The following ARFGEF3 variants were observed in gnomAD, a reference collection of about 807,000 sequenced individuals.
The protein encoded by ARFGEF3 is ARFGEF family member 3.
ARFGEF3 carries 96 observed loss-of-function variants against 221.7 expected under a neutral mutation model. That is an observed-to-expected ratio of 0.43 (90% CI 0.37 to 0.51). The LOEUF (loss-of-function observed/expected upper bound fraction) is 0.51. Among genes scored for constraint, ARFGEF3 ranks in the 20% least tolerant of loss-of-function variants. The pLI, the probability that ARFGEF3 is intolerant of heterozygous loss-of-function variation, is 0.00. For synonymous variants in ARFGEF3, 1,145 were observed against 1,126.8 expected, an observed-to-expected ratio of 1.02 and a Z score of -0.32; for missense variants, 2,410 against 2,789.9, an observed-to-expected ratio of 0.86 and a Z score of 3.07.
In ARFGEF3 at chr6:138,255,666, G is replaced by C. The variant is rs1778662993; in HGVS notation, c.1001G>C (p.Gly334Ala). Residue 334 changes from glycine (G) to alanine (A), a missense_variant, in exon 10 of 34, where the codon GGG becomes GCG. Physicochemically the swap from Gly to Ala is moderately conservative, Grantham distance 60 (BLOSUM62 0). Transcript: ENST00000251691. The part of the protein sequence containing the change: ...YIAAELVRLV[G>A]SVDSMKPVLQ... ...GCAGCCGAGCTGGTCCGGCTGGTGG[G>C]GTCTGTGGACTCCATGAAGCCCGTG... 6.2e-7 allele frequency: 1 copy of C among 1,613,594 alleles called. No individual in the cohort carries two copies. The highest frequency in any genetic ancestry group is 2.2e-5 in the East Asian group (1 of 44,862).
chr6:138,339,501 G>A lies in ARFGEF3; in HGVS notation c.*3015G>A, dbSNP rs1780389210. On this transcript the variant is annotated 3_prime_UTR_variant, in exon 34 of 34. Coordinates refer to ENST00000251691, the MANE Select transcript of ARFGEF3 (RefSeq NM_020340.5). ...AATGAGAGTTTATACATTGTTTTTA[G>A]TTGCCTGTATTTATAGCCAAAAGTA... is the stretch of plus-strand genomic sequence containing the variant. 6.6e-6 allele frequency: 1 copy of A among 152,150 alleles called. No individual in the cohort carries two copies. The highest frequency in any genetic ancestry group is 6.6e-5 in the Admixed American group (1 of 15,264). 9.4% of individuals were successfully genotyped at this position (152,150 alleles called of 1,614,324 possible). A position where few individuals can be genotyped will look rare whatever the true frequency, so the allele number is the denominator to read the frequency against.
rs11427921 is a variant in ARFGEF3, at chr6:138,274,795, C to CAA, written c.2129-3640_2129-3639dup. ...GGGCAACAAAAGCGAAACTCCGTCT[C>CAA]AAAAAAAAAAAAAAAAATGCACCTC... On this transcript the variant is annotated intron_variant, in intron 12 of 33. Transcript: ENST00000251691. 6.2e-3 allele frequency among the ~76,000 whole-genome samples: 696 copies of CAA among 111,450 alleles called. 5 individuals carry two copies. Among genetic ancestry groups the CAA allele is most frequent in the Middle Eastern group, 0.026 (4 of 154 alleles). The allele number at this position is 111,450 out of a possible 152,430, so 73.1% of individuals were successfully genotyped here.
At chr6:138,205,393 G>C (rs1325571705) in intron 2 of ARFGEF3, among the ~76,000 whole-genome samples, 1 of 152,106 alleles carries the variant, frequency 6.6e-6, no homozygotes, top group Admixed American at 6.5e-5. Context: ...ATTAATCCTG[G>C]TGGAAATTTG....
chr6:138,289,722 T>C (rs1779364292), intron 17 of ARFGEF3, 96 bp from the exon 18 acceptor site: 3 of 1,337,270 alleles, frequency 2.2e-6, no homozygotes, highest in African/African-American at 2.9e-5. Flanking sequence ...GTCTGTCCTT[T>C]CCCTTTTGCC....
In ARFGEF3 at chr6:138,218,442, A is replaced by AT. The variant is rs1485798563; in HGVS notation, c.351+8405dup. 4 of 1,475,544 alleles carry AT rather than the reference A, an allele frequency of 2.7e-6. No homozygotes were observed. The African/African-American group carries it at 5.7e-5, about 21-fold the overall frequency. The allele number at this position is 1,475,544 out of a possible 1,614,324, so 91.4% of individuals were successfully genotyped here. On this transcript the variant is annotated intron_variant, in intron 4 of 33. Transcript: ENST00000251691. The stretch of plus-strand genomic sequence containing the variant: ...TGTAGCTCTGTAGCATAGAAGAATA[A>AT]TTTTGTAAATTATTATACATCAATT...
chr6:138,162,093 G>A lies in ARFGEF3; in HGVS notation c.7G>A (p.Glu3Lys), dbSNP rs1279349541. 1.9e-6 allele frequency: 3 copies of A among 1,597,572 alleles called. No individual in the cohort carries two copies. In the South Asian group the frequency reaches 3.3e-5, roughly 18 times the overall value. Residue 3 changes from glutamate (E) to lysine (K), a missense_variant, in exon 1 of 34, where the codon GAA (glutamate) becomes AAA (lysine). By Grantham distance (56) the Glu-to-Lys change is moderately conservative. Transcript: ENST00000251691. The surrounding 1 kb of genome is among the most constrained non-coding windows in gnomAD (Gnocchi z 4.7). ...CGGCGCCTGGAAGGTCAAGATGGAA[G>A]AAATCCTGAGGAAGCTGCAGAAGGA... MEEILRKLQKEAS... is the reference protein window; with the variant it reads MEKILRKLQKEAS...
intron 5 of ARFGEF3, among the ~76,000 whole-genome samples, chr6:138,235,020 A>G (rs1447777551): frequency 6.6e-6 from 1 of 152,208 alleles, no homozygotes; most frequent in African/African-American, 2.4e-5. Context: ...ATTGAAAAAT[A>G]TATGTATATA....
Position 138,334,125 on chromosome 6 carries a change from G to C in ARFGEF3, c.5279G>C (p.Arg1760Thr), listed in dbSNP as rs143963437. The C allele has an allele frequency of 4.3e-4, 697 of 1,613,820 alleles. 6 individuals are homozygous for C. Among genetic ancestry groups the C allele is most frequent in the Non-Finnish European group, 7.7e-5 (91 of 1,179,890 alleles). ...VPEAKLAGFL[R>T]YISMQNLAVI... Reference sequence around the variant, plus strand: ...GAAGCCAAGCTGGCTGGCTTCCTCAGATACATCTCTATGCAGAACTTGGCA... The same window carrying C: ...GAAGCCAAGCTGGCTGGCTTCCTCACATACATCTCTATGCAGAACTTGGCA... The change falls in exon 33 of 34, where the codon AGA becomes ACA. Residue 1760 changes from arginine (R) to threonine (T), a missense_variant. By Grantham distance (71) the Arg-to-Thr change is moderately conservative. Around this residue, in one of 5 missense-constraint regions of ARFGEF3, gnomAD observed 723 missense variants for 991.9 expected, o/e 0.73. Coordinates refer to ENST00000251691, the MANE Select transcript of ARFGEF3 (RefSeq NM_020340.5). The surrounding 1 kb of genome is among the most constrained non-coding windows in gnomAD (Gnocchi z 5.1).
rs1779396484 is a variant in ARFGEF3, at chr6:138,291,140, A to C, written c.3048-593A>C. Among the ~76,000 whole-genome samples the C allele has an allele frequency of 2.0e-5, 3 of 152,046 alleles. No homozygotes were observed. The South Asian group carries it at 6.2e-4, about 32-fold the overall frequency. ...CCATTTAGGAGTTGGCAGTTGTAGCACATGTGGTGACCCTTCTCTGTGTCT... is the reference window on the plus strand; with the variant it reads ...CCATTTAGGAGTTGGCAGTTGTAGCCCATGTGGTGACCCTTCTCTGTGTCT... On this transcript the variant is annotated intron_variant, in intron 18 of 33. Transcript: ENST00000251691. This position sits in a 1 kb window ranked among gnomAD's most constrained non-coding sequence, Gnocchi z 4.5.
chr6:138,184,943 G>A (rs1375651380), intron 2 of ARFGEF3, among the ~76,000 whole-genome samples: 2 of 152,168 alleles, frequency 1.3e-5, no homozygotes, highest in Non-Finnish European at 2.9e-5. Context: ...TCTTAGTTTA[G>A]GGGGTAATTA....
chr6:138,298,495 CAG>C lies in ARFGEF3; in HGVS notation c.3649-109_3649-108del, dbSNP rs1779563252. 9.0e-6 allele frequency: 7 copies of C among 776,258 alleles called. No individual in the cohort carries two copies. The South Asian group carries it at 1.2e-4, about 14-fold the overall frequency. The allele number at this position is 776,258 out of a possible 1,614,324, so 48.1% of individuals were successfully genotyped here. A position where few individuals can be genotyped will look rare whatever the true frequency, so the allele number is the denominator to read the frequency against. On this transcript the variant is annotated intron_variant, in intron 21 of 33. Transcript: ENST00000251691. ...ATCCCTTAGAATGTTTTGATTTTAA[CAG>C]AATTGCTGCTTCCACCTCCTTGTAA...
rs558231613 is a variant in ARFGEF3, at chr6:138,244,679, A to G, written c.587-834A>G. On this transcript the variant is annotated intron_variant, in intron 7 of 33. Transcript: ENST00000251691. ...TCAACAAAGACCATGTGCCCTGCAG[A>G]TACTCAACAAATAAAGTAGGTAAAG... is the stretch of plus-strand genomic sequence containing the variant. 3.3e-5 allele frequency among the ~76,000 whole-genome samples: 5 copies of G among 152,330 alleles called. No homozygotes were observed. In the East Asian group the frequency reaches 7.7e-4, roughly 23 times the overall value.
intron 27 of ARFGEF3, among the ~76,000 whole-genome samples, 190 bp downstream of exon 27, chr6:138,317,569 C>T (rs1779948641): frequency 6.6e-6 from 1 of 152,230 alleles, no homozygotes; most frequent in Admixed American, 6.5e-5. Context: ...GTATTGTTTA[C>T]ATGTCTTCCT....
intron 3 of ARFGEF3, among the ~76,000 whole-genome samples, chr6:138,208,227 G>A (rs932302303): frequency 6.6e-6 from 1 of 152,044 alleles, no homozygotes; most frequent in African/African-American, 2.4e-5. Context: ...GAAGCAACTT[G>A]GTGGGCTGTG....
intron 31 of ARFGEF3, among the ~76,000 whole-genome samples, chr6:138,326,377 G>T (rs951618229): frequency 6.6e-6 from 1 of 152,182 alleles, no homozygotes; most frequent in Admixed American, 6.5e-5. Flanking sequence ...GAGCCCAGGA[G>T]TGCAAGACCA....
rs998344674 is a variant in ARFGEF3 at position 138,291,494 on chromosome 6, G to A, written c.3048-239G>A. Among the ~76,000 whole-genome samples, 2 of 152,110 alleles carry A rather than the reference G, an allele frequency of 1.3e-5. No homozygotes were observed. Among genetic ancestry groups the A allele is most frequent in the Non-Finnish European group, 2.9e-5 (2 of 68,020 alleles). On this transcript the variant is annotated intron_variant, in intron 18 of 33. Coordinates refer to ENST00000251691, the MANE Select transcript of ARFGEF3 (RefSeq NM_020340.5). The surrounding 1 kb of genome is among the most constrained non-coding windows in gnomAD (Gnocchi z 4.5). Reference sequence around the variant, plus strand: ...CCGTCTTTCTCCCAGCCTGGGGTGGGAGAACCCAAATAATCCTTTACCCAT... The same window carrying A: ...CCGTCTTTCTCCCAGCCTGGGGTGGAAGAACCCAAATAATCCTTTACCCAT...
intron 4 of ARFGEF3, among the ~76,000 whole-genome samples, chr6:138,220,758 C>T (rs1777969752): frequency 6.6e-6 from 1 of 152,158 alleles, no homozygotes; most frequent in Non-Finnish European, 1.5e-5. Flanking sequence ...CCATCTTAAT[C>T]ACATATTATC....
At chr6:138,290,999 C>T (rs1779392960) in intron 18 of ARFGEF3, among the ~76,000 whole-genome samples, 2 of 152,280 alleles carry the variant, frequency 1.3e-5, no homozygotes, top group South Asian at 2.1e-4. Flanking sequence ...TGAAAAATTC[C>T]TTGATTCTAG....
At chr6:138,282,449 A>G (rs1001293322) in intron 14 of ARFGEF3, among the ~76,000 whole-genome samples, 1 of 152,206 alleles carries the variant, frequency 6.6e-6, no homozygotes, top group Non-Finnish European at 1.5e-5. Context: ...AGGGCATGTT[A>G]TGTTGCCTAT....
Sources: allele counts gnomAD v4.1 joint callset (sites outside exome capture counted in the v4.1 genomes callset), GRCh38; gene constraint gnomAD v4.1.1; regional missense constraint gnomAD v4.1.1; non-coding constraint Gnocchi (gnomAD v3.1); transcripts MANE v1.5; gene names NCBI Gene and HGNC (gene_info 2026-07-23, HGNC 2026-07-21).